The following AKAP13 variants were observed in gnomAD, a reference collection of about 807,000 sequenced individuals.
AKAP13 encodes A-kinase anchoring protein 13.
Under a neutral mutation model 264.5 loss-of-function variants are expected in AKAP13, and 80 were observed. The observed-to-expected ratio is 0.30, with a 90% confidence interval of 0.25 to 0.36. The LOEUF (loss-of-function observed/expected upper bound fraction) is 0.36, where lower values mean the gene tolerates loss of function less well. AKAP13 is among the 10% of genes least tolerant of loss of function. AKAP13 has a pLI of 1.00. For missense variants in AKAP13, 3,712 were observed against 3,435.2 expected, an observed-to-expected ratio of 1.08 and a Z score of -2.01; for synonymous variants, 1,380 against 1,250.2, an observed-to-expected ratio of 1.10 and a Z score of -2.19.
chr15:85,577,334 G>A (rs1485365751), intron 6 of AKAP13, among the ~76,000 whole-genome samples: 2 of 23,012 alleles, frequency 8.7e-5, no homozygotes, highest in East Asian at 2.3e-3. Flanking sequence ...TGAATGAATG[G>A]CGAGCAAACC....
rs139568806 is a variant in AKAP13, at chr15:85,647,212, A to G, written c.4374+1258A>G. Among the ~76,000 whole-genome samples, 340 of 152,246 alleles carry G rather than the reference A, an allele frequency of 2.2e-3. 1 individual carries two copies. The highest frequency in any genetic ancestry group is 7.8e-3 in the African/African-American group (324 of 41,530). ...TCAGGAGTTCGAGACCAGCCTGGAA[A>G]TGGTGAAAACCCGTCTCTACTAAAA... On this transcript the variant is annotated intron_variant, in intron 10 of 36. Transcript: ENST00000394518.
intron 5 of AKAP13, among the ~76,000 whole-genome samples, chr15:85,567,403 G>A (rs1324701524): frequency 6.6e-6 from 1 of 152,232 alleles, no homozygotes; most frequent in Non-Finnish European, 1.5e-5. Context: ...ACCACGCCCA[G>A]CCACAAGTGC....
intron 17 of AKAP13, among the ~76,000 whole-genome samples, chr15:85,694,326 T>C (rs1304936399): frequency 6.6e-6 from 1 of 152,226 alleles, no homozygotes; most frequent in African/African-American, 2.4e-5. Flanking sequence ...GCTTAACTTT[T>C]TCTGTACAAG....
chr15:85,444,507 T>C (rs966272382), intron 1 of AKAP13, among the ~76,000 whole-genome samples: 2 of 152,344 alleles, frequency 1.3e-5, no homozygotes, highest in African/African-American at 4.8e-5. Flanking sequence ...CGAATCTACA[T>C]GGGAGCAAGC....
chr15:85,674,278 G>A (rs1019061390), intron 14 of AKAP13, among the ~76,000 whole-genome samples: 3 of 152,158 alleles, frequency 2.0e-5, no homozygotes, highest in Non-Finnish European at 4.4e-5. Flanking sequence ...GATGCCACAA[G>A]TGGAAAATTC....
chr15:85,640,307 G>C (rs1375519600), intron 9 of AKAP13, among the ~76,000 whole-genome samples: 2 of 152,102 alleles, frequency 1.3e-5, no homozygotes, highest in African/African-American at 2.4e-5. Flanking sequence ...GTTTTACCCA[G>C]CAAGCCTCTG....
At chr15:85,460,579 G>A (rs1176162655) in intron 1 of AKAP13, among the ~76,000 whole-genome samples, 3 of 152,146 alleles carry the variant, frequency 2.0e-5, no homozygotes, top group Non-Finnish European at 2.9e-5. Context: ...ACCTTATATG[G>A]CACAAGGTTC....
intron 1 of AKAP13, among the ~76,000 whole-genome samples, chr15:85,426,963 T>TG (rs1555428109): frequency 2.0e-5 from 3 of 149,250 alleles, no homozygotes; most frequent in Admixed American, 6.7e-5. Flanking sequence ...TTGTTTTTTT[T>TG]TTTTTTTTTG....
intron 8 of AKAP13, among the ~76,000 whole-genome samples, chr15:85,634,757 T>C (rs1022038383): frequency 1.3e-5 from 2 of 152,128 alleles, no homozygotes; most frequent in Non-Finnish European, 2.9e-5. Context: ...TGCTGATCAC[T>C]AATGTTTTCT....
intron 29 of AKAP13, among the ~76,000 whole-genome samples, chr15:85,728,607 G>T (rs2087759234): frequency 6.6e-6 from 1 of 152,220 alleles, no homozygotes; most frequent in African/African-American, 2.4e-5. Context: ...CAATTAGCAT[G>T]TGTGGGATCT....
At chr15:85,693,507 T>C in intron 17 of AKAP13, 56 bp downstream of exon 17, 1 of 1,585,838 alleles carries the variant, frequency 6.3e-7, no homozygotes, top group Non-Finnish European at 8.5e-7. Flanking sequence ...TCAAGAAAGC[T>C]CATTTCTTGT....
chr15:85,744,100 G>GT, intron 36 of AKAP13: 1 of 442,894 alleles, frequency 2.3e-6, no homozygotes, highest in East Asian at 4.1e-5. Flanking sequence ...CCTCAATGAA[G>GT]TAATTCAAGT....
chr15:85,650,778 AAAAAAAAAAAAAC>A (rs1567175439), intron 10 of AKAP13, among the ~76,000 whole-genome samples: 13 of 146,504 alleles, frequency 8.9e-5, no homozygotes, highest in Non-Finnish European at 1.7e-4. Flanking sequence ...AAAAAAAAAA[AAAAAAAAAAAAAC>A]AACAAAAACT....
intron 26 of AKAP13, among the ~76,000 whole-genome samples, chr15:85,723,693 G>C (rs565184146): frequency 1.9e-4 from 29 of 152,284 alleles, no homozygotes; most frequent in African/African-American, 7.0e-4. Context: ...CTCACAAGGA[G>C]GGAGACACAG....
chr15:85,645,870 A>G lies in AKAP13; in HGVS notation c.4290A>G (p.Gln1430=). Residue 1430 remains glutamine, a synonymous_variant, in exon 10 of 37, where the codon CAA becomes CAG. Transcript: ENST00000394518. ...TGGGCAGAGAGTGTACCTCAAAACA[A>G]GGTGTACTTAAAAGAGAATCTGGGA... ...VGLGRECTSK[Q]GVLKRESGSD... 1.9e-6 allele frequency: 3 copies of G among 1,613,698 alleles called. No homozygotes were observed. The highest frequency in any genetic ancestry group is 1.7e-6 in the Non-Finnish European group (2 of 1,179,974).
intron 9 of AKAP13, among the ~76,000 whole-genome samples, chr15:85,645,527 C>T (rs1365663146): frequency 1.3e-5 from 2 of 152,130 alleles, no homozygotes; most frequent in Non-Finnish European, 2.9e-5. Context: ...GTAGAATATG[C>T]TTCTAAATCA....
intron 2 of AKAP13, among the ~76,000 whole-genome samples, chr15:85,487,341 T>C (rs908144521): frequency 1.5e-4 from 23 of 152,348 alleles, no homozygotes; most frequent in Admixed American, 5.2e-4. Flanking sequence ...TTTCCTGATC[T>C]TAAAGAGAAA....
Position 85,468,848 on chromosome 15 carries a change from C to T in AKAP13, c.-11-16862C>T, listed in dbSNP as rs138143762. Among the ~76,000 whole-genome samples, 74 of 151,722 alleles carry T rather than the reference C, an allele frequency of 4.9e-4. No homozygotes were observed. The East Asian group carries it at 0.013, about 26-fold the overall frequency. ...CAATTAGGAGTTTACATACAGGTCTCTCCTAACAGATTGAGAGCTCCTTGA... is the reference window on the plus strand; with the variant it reads ...CAATTAGGAGTTTACATACAGGTCTTTCCTAACAGATTGAGAGCTCCTTGA... On this transcript the variant is annotated intron_variant, in intron 1 of 36. Coordinates refer to ENST00000394518, the MANE Select transcript of AKAP13 (RefSeq NM_007200.5).
At chr15:85,688,046 A>G (rs2085050172) in intron 16 of AKAP13, among the ~76,000 whole-genome samples, 1 of 151,096 alleles carries the variant, frequency 6.6e-6, no homozygotes, top group African/African-American at 2.5e-5. Context: ...AAAAAAAAAA[A>G]AAAGAGAGAG....
Sources: gnomAD v4.1 joint callset for allele counts (sites outside exome capture counted in the v4.1 genomes callset) on GRCh38, gnomAD v4.1.1 for gene constraint, MANE v1.5 for transcripts, NCBI Gene and HGNC (gene_info 2026-07-23, HGNC 2026-07-21) for gene names.